MAP1B: variants seen among roughly 807,000 people sequenced by gnomAD.
The protein encoded by MAP1B is microtubule-associated protein 1B.
In MAP1B, 12 loss-of-function variants were observed where a neutral mutation model predicts 176.1. The observed-to-expected ratio is 0.07, with a 90% CI of 0.04 to 0.11. The LOEUF is 0.11. MAP1B is among the 10% of genes least tolerant of loss of function. The pLI is 1.00. For synonymous variants in MAP1B, 1,044 were observed against 1,135.0 expected, an observed-to-expected ratio of 0.92 and a Z score of 1.61; for missense variants, 2,523 against 2,990.5, an observed-to-expected ratio of 0.84 and a Z score of 3.65.
Position 72,107,561 on chromosome 5 carries a change from G to T in MAP1B, c.30G>T (p.Glu10Asp), listed in dbSNP as rs1332666696. Residue 10 changes from glutamate to aspartate, a missense_variant, in exon 1 of 7, where the codon GAG becomes GAT. By Grantham distance (45) the Glu-to-Asp change is conservative (BLOSUM62 2). Coordinates refer to ENST00000296755, the MANE Select transcript of MAP1B (RefSeq NM_005909.5). MATVVVEAT[E>D]PEPSGSIANP... ...CGACCGTGGTGGTGGAAGCCACCGA[G>T]CCGGAGCCGTCCGGCAGCATCGCCA... 18 of 1,583,098 alleles carry T rather than the reference G, an allele frequency of 1.1e-5. No individual in the cohort carries two copies. The highest frequency in any genetic ancestry group is 1.5e-5 in the Non-Finnish European group (17 of 1,170,484).
At chr5:72,150,988 G>T (rs1214252179) in intron 2 of MAP1B, among the ~76,000 whole-genome samples, 1 of 152,032 alleles carries the variant, frequency 6.6e-6, no homozygotes, top group African/African-American at 2.4e-5. Context: ...GGGGTGTCTT[G>T]GTCCATTTTG....
Position 72,198,493 on chromosome 5 carries a change from A to G in MAP1B, c.5138A>G (p.Gln1713Arg). The change falls in exon 5 of 7, where the codon CAA becomes CGA. Residue 1713 changes from glutamine to arginine, a missense_variant. Physicochemically the swap from Gln to Arg is conservative, Grantham distance 43. Transcript: ENST00000296755. ...IPPMEEPSYT[Q>R]DNDLSELISV... is the part of the protein sequence containing the mutation. ...CCTATGGAGGAGCCGTCCTACACCC[A>G]AGATAATGATCTTTCTGAGCTCATC... 6.2e-7 allele frequency: 1 copy of G among 1,613,968 alleles called. No individual in the cohort carries two copies. Among genetic ancestry groups the G allele is most frequent in the Non-Finnish European group, 8.5e-7 (1 of 1,180,020 alleles).
At chr5:72,147,776 T>A (rs1746072604) in intron 2 of MAP1B, among the ~76,000 whole-genome samples, 1 of 152,198 alleles carries the variant, frequency 6.6e-6, no homozygotes, top group Non-Finnish European at 1.5e-5. Flanking sequence ...TACTATTTGA[T>A]GGAGTGGGCT....
At chr5:72,201,821 C>T (rs1173176563) in intron 5 of MAP1B, among the ~76,000 whole-genome samples, 2 of 152,192 alleles carry the variant, frequency 1.3e-5, no homozygotes, top group African/African-American at 4.8e-5. Flanking sequence ...GTTCTCAGCA[C>T]ATTTGGCCTT....
chr5:72,169,558 T>A (rs1746495637), intron 2 of MAP1B: 1 of 154,328 alleles, frequency 6.5e-6, no homozygotes, highest in Admixed American at 6.5e-5. Context: ...GGAGTGAGTG[T>A]TTGTGTGTAA....
In MAP1B at chr5:72,120,466, C is replaced by T. The variant is rs1745507535; in HGVS notation, c.286+4667C>T. Among the ~76,000 whole-genome samples the T allele has an allele frequency of 5.3e-5, 8 of 151,020 alleles. No individual in the cohort carries two copies. In the South Asian group the frequency reaches 1.7e-3, roughly 32 times the overall value. ...TTGAGATAGAGTCTTGCTCTGTTGC[C>T]CAGGCTGGAGTGCAGTGGCGCAATC... is the stretch of plus-strand genomic sequence containing the variant. On this transcript the variant is annotated intron_variant, in intron 2 of 6. Transcript: ENST00000296755.
chr5:72,199,021 A>G lies in MAP1B; in HGVS notation c.5666A>G (p.Tyr1889Cys), dbSNP rs1328070401. The change falls in exon 5 of 7, where the codon TAT becomes TGT. Residue 1889 changes from tyrosine to cysteine, a missense_variant. This residue lies in a region of MAP1B where 1,925 missense variants were observed against 2,126.0 expected (regional missense o/e 0.91). Transcript: ENST00000296755. The surrounding 1 kb of genome is among the most constrained non-coding windows in gnomAD (Gnocchi z 4.2). ...TCCCCAGATGAAGAAGATTATGACT[A>G]TGAGTCTTATGAGAAGACCACCCGG... ...TRSPDEEDYD[Y>C]ESYEKTTRTS... 1.2e-6 allele frequency: 2 copies of G among 1,614,058 alleles called. No homozygotes were observed.
In MAP1B at chr5:72,186,874, A is replaced by G; in HGVS notation, c.510+120A>G. 1 of 1,133,744 alleles carries G rather than the reference A, an allele frequency of 8.8e-7. No homozygotes were observed. Among genetic ancestry groups the G allele is most frequent in the Non-Finnish European group, 1.3e-6 (1 of 785,818 alleles). The allele number at this position is 1,133,744 out of a possible 1,614,324, so 70.2% of individuals were successfully genotyped here. A position where few individuals can be genotyped will look rare whatever the true frequency, so the allele number is the denominator to read the frequency against. ...GGAACCTCACAGCTCTCCTGAAATA[A>G]GCAAAACTGCATGATCCAAAATACT... On this transcript the variant is annotated intron_variant, in intron 4 of 6. Coordinates refer to ENST00000296755, the MANE Select transcript of MAP1B (RefSeq NM_005909.5). The surrounding 1 kb of genome is among the most constrained non-coding windows in gnomAD (Gnocchi z 4.3).
rs1289591592 is a variant in MAP1B at position 72,194,363 on chromosome 5, C to G, written c.1008C>G (p.Ser336=). The G allele has an allele frequency of 6.2e-7, 1 of 1,614,092 alleles. No homozygotes were observed. The highest frequency in any genetic ancestry group is 2.2e-5 in the East Asian group (1 of 44,886). Residue 336 remains serine (S), a synonymous_variant, in exon 5 of 7, where the codon TCC becomes TCG. Transcript: ENST00000296755. The surrounding 1 kb of genome is among the most constrained non-coding windows in gnomAD (Gnocchi z 7.2). ...TTGCAGAGCTCGAGGAAGAACAGTC[C>G]CAGGGCTCCACCACAAATAGTGACT... ...RKIAELEEEQ[S]QGSTTNSDWM... is the part of the protein sequence containing the mutation.
Position 72,197,367 on chromosome 5 carries a change from C to G in MAP1B, c.4012C>G (p.Gln1338Glu), listed in dbSNP as rs1747204034. 5 of 1,614,082 alleles carry G rather than the reference C, an allele frequency of 3.1e-6. No individual in the cohort carries two copies. The highest frequency in any genetic ancestry group is 4.2e-6 in the Non-Finnish European group (5 of 1,180,038). The change falls in exon 5 of 7, where the codon CAA becomes GAA. Residue 1338 changes from glutamine to glutamate, a missense_variant. By Grantham distance (29) the Gln-to-Glu change is conservative. This residue lies in a region of MAP1B where 1,925 missense variants were observed against 2,126.0 expected (regional missense o/e 0.91). Coordinates refer to ENST00000296755, the MANE Select transcript of MAP1B (RefSeq NM_005909.5). ...TGSAGHTPYY[Q>E]SPTDEKSSHL... is the part of the protein sequence containing the mutation. ...CAGTGCTGGTCACACACCTTACTATCAATCTCCTACTGACGAGAAATCCAG... is the reference window on the plus strand; with the variant it reads ...CAGTGCTGGTCACACACCTTACTATGAATCTCCTACTGACGAGAAATCCAG...
chr5:72,163,734 C>T (rs983873296), intron 2 of MAP1B, among the ~76,000 whole-genome samples: 11 of 152,224 alleles, frequency 7.2e-5, no homozygotes, highest in Admixed American at 3.9e-4. Context: ...GCACATTACT[C>T]CTGGCTCTGC....
At chr5:72,110,930 C>A (rs1745322728) in intron 1 of MAP1B, among the ~76,000 whole-genome samples, 6 of 152,208 alleles carry the variant, frequency 3.9e-5, no homozygotes, top group Admixed American at 3.9e-4. Context: ...GAGATGGTCC[C>A]TCTTGCTTTC....
intron 2 of MAP1B, among the ~76,000 whole-genome samples, chr5:72,170,491 A>G (rs370623469): frequency 1.3e-4 from 19 of 151,254 alleles, no homozygotes; most frequent in East Asian, 7.7e-4. Context: ...GTTGAAGGAG[A>G]AGTGGTGAAA....
At chr5:72,161,404 G>T (rs1193348897) in intron 2 of MAP1B, among the ~76,000 whole-genome samples, 1 of 152,194 alleles carries the variant, frequency 6.6e-6, no homozygotes. Context: ...ATGAATAATA[G>T]TACTAGTGCT....
At chr5:72,136,409 G>A (rs376525233) in intron 2 of MAP1B, among the ~76,000 whole-genome samples, 1 of 152,154 alleles carries the variant, frequency 6.6e-6, no homozygotes, top group Non-Finnish European at 1.5e-5. Flanking sequence ...TTCCTGGGTG[G>A]CTCAAGGAGT....
At position 72,203,594 on chromosome 5, in the gene MAP1B, T is replaced by C. The variant is rs775550113; in HGVS notation, c.7044T>C (p.Ser2348=). 2 of 1,614,192 alleles carry C rather than the reference T, an allele frequency of 1.2e-6. No individual in the cohort carries two copies. Among genetic ancestry groups the C allele is most frequent in the Non-Finnish European group, 1.7e-6 (2 of 1,180,012 alleles). The change falls in exon 6 of 7, where the codon TCT becomes TCC. Residue 2348 remains serine (S), a synonymous_variant. Transcript: ENST00000296755. ...GPGTTKTTKS[S]AVPPGLPVYL... is the part of the protein sequence containing the mutation. The stretch of plus-strand genomic sequence containing the variant: ...GAACTACCAAGACGACCAAGTCATC[T>C]GCTGTGCCCCCAGGCCTCCCTGTGT...
intron 2 of MAP1B, among the ~76,000 whole-genome samples, chr5:72,134,534 C>T (rs1192760318): frequency 1.3e-5 from 2 of 152,002 alleles, no homozygotes; most frequent in African/African-American, 4.8e-5. Flanking sequence ...TTTGGTTTTG[C>T]TTCATTTTGT....
At chr5:72,167,324 G>C (rs973254049) in intron 2 of MAP1B, among the ~76,000 whole-genome samples, 3 of 152,096 alleles carry the variant, frequency 2.0e-5, no homozygotes, top group Non-Finnish European at 4.4e-5. Flanking sequence ...TACCCCCAAG[G>C]ACTAGAAAGT....
chr5:72,114,433 G>T (rs998892536), intron 1 of MAP1B, among the ~76,000 whole-genome samples: 1 of 152,174 alleles, frequency 6.6e-6, no homozygotes, highest in Admixed American at 6.5e-5. Flanking sequence ...TAGTTCACCT[G>T]CTGTGTTATA....
Sources: allele counts gnomAD v4.1 joint callset (sites outside exome capture counted in the v4.1 genomes callset), GRCh38; gene constraint gnomAD v4.1.1; regional missense constraint gnomAD v4.1.1; non-coding constraint Gnocchi (gnomAD v3.1); transcripts MANE v1.5; gene names NCBI Gene and HGNC (gene_info 2026-07-23, HGNC 2026-07-21).